MTUS2: variants seen among roughly 807,000 people sequenced by gnomAD.
MTUS2 encodes microtubule-associated tumor suppressor candidate 2.
MTUS2 carries 40 observed loss-of-function variants against 114.1 expected under a neutral mutation model. The observed-to-expected ratio is 0.35, with a 90% CI of 0.27 to 0.46. The LOEUF (loss-of-function observed/expected upper bound fraction) is 0.46. Among genes scored for constraint, MTUS2 ranks in the 20% least tolerant of loss-of-function variants. MTUS2 has a pLI of 1.00. For synonymous variants in MTUS2, 688 were observed against 672.0 expected, an observed-to-expected ratio of 1.02 and a Z score of -0.37; for missense variants, 1,679 against 1,705.4, an observed-to-expected ratio of 0.98 and a Z score of 0.27.
chr13:29,468,856 A>G (rs1410946416), intron 9 of MTUS2, among the ~76,000 whole-genome samples: 2 of 152,128 alleles, frequency 1.3e-5, no homozygotes, highest in African/African-American at 2.4e-5. Context: ...TGAATTCCTC[A>G]TGTCACTGGG....
chr13:29,441,571 A>G (rs1447987585), intron 9 of MTUS2, among the ~76,000 whole-genome samples: 3 of 143,880 alleles, frequency 2.1e-5, no homozygotes, highest in Admixed American at 7.0e-5. Context: ...CTCATGATCC[A>G]GATGCCCACA....
At chr13:29,309,895 T>C (rs983722271) in intron 6 of MTUS2, among the ~76,000 whole-genome samples, 16 of 152,140 alleles carry the variant, frequency 1.1e-4, no homozygotes, top group African/African-American at 3.9e-4. Flanking sequence ...ACCTCAAGCA[T>C]TTATCCTTTC....
At chr13:29,044,593 C>T (rs763926045) in intron 4 of MTUS2, among the ~76,000 whole-genome samples, 4 of 152,142 alleles carry the variant, frequency 2.6e-5, no homozygotes, top group Non-Finnish European at 5.9e-5. Context: ...CCCTACAGCT[C>T]CTGTTCAAAG....
At chr13:29,148,540 G>A (rs1321816194) in intron 5 of MTUS2, among the ~76,000 whole-genome samples, 1 of 63,954 alleles carries the variant, frequency 1.6e-5, no homozygotes, top group Non-Finnish European at 4.5e-5. Context: ...GTGCAGTGGT[G>A]GGACCTCGGC....
intron 5 of MTUS2, among the ~76,000 whole-genome samples, chr13:29,131,882 A>G (rs950626638): frequency 1.3e-5 from 2 of 152,286 alleles, no homozygotes; most frequent in African/African-American, 4.8e-5. Flanking sequence ...TGATGATGAC[A>G]TGATTTTGAT....
Position 29,462,806 on chromosome 13 carries a change from C to T in MTUS2, c.3185-17344C>T, listed in dbSNP as rs545324856. On this transcript the variant is annotated intron_variant, in intron 9 of 15. Coordinates refer to ENST00000612955, the MANE Select transcript of MTUS2 (RefSeq NM_001033602.4). ...TTGTAGAGGCTGTGTGTATGGAGAC[C>T]GAGTGAAACCCCTAGTGCCAGAGGG... is the stretch of plus-strand genomic sequence containing the variant. Among the ~76,000 whole-genome samples, 12 of 151,992 alleles carry T rather than the reference C, an allele frequency of 7.9e-5. No homozygotes were observed. In the South Asian group the frequency reaches 1.9e-3, roughly 24 times the overall value.
chr13:29,498,948 C>T (rs1199234014), intron 14 of MTUS2, among the ~76,000 whole-genome samples: 2 of 152,316 alleles, frequency 1.3e-5, no homozygotes, highest in East Asian at 3.9e-4. Flanking sequence ...AGCCGCTTTA[C>T]AGATGCGGAG....
chr13:29,324,592 C>A (rs1157999690), intron 6 of MTUS2, 21 bp from the exon 7 acceptor site: 3 of 1,538,672 alleles, frequency 1.9e-6, no homozygotes, highest in Admixed American at 1.9e-5. Flanking sequence ...CTACCTATTT[C>A]TCTTTTCCAA....
At chr13:28,891,410 G>A (rs964369919) in intron 2 of MTUS2, among the ~76,000 whole-genome samples, 3 of 152,130 alleles carry the variant, frequency 2.0e-5, no homozygotes, top group Admixed American at 2.0e-4. Flanking sequence ...ACCATACAAT[G>A]TATTGCCTAT....
intron 9 of MTUS2, among the ~76,000 whole-genome samples, chr13:29,453,306 G>A (rs926428259): frequency 2.6e-5 from 4 of 152,164 alleles, no homozygotes; most frequent in Admixed American, 6.5e-5. Context: ...TGAGTTTCTC[G>A]TGAACCTCTT....
chr13:29,437,793 A>G (rs1487399196), intron 8 of MTUS2, among the ~76,000 whole-genome samples: 1 of 152,076 alleles, frequency 6.6e-6, no homozygotes, highest in African/African-American at 2.4e-5. Flanking sequence ...CTAAAAATAC[A>G]GAAAATTAGC....
intron 8 of MTUS2, among the ~76,000 whole-genome samples, chr13:29,381,498 T>C (rs1163474082): frequency 6.6e-6 from 1 of 152,244 alleles, no homozygotes; most frequent in African/African-American, 2.4e-5. Context: ...ATGTTTACTA[T>C]GTGGCAAGCA....
intron 5 of MTUS2, among the ~76,000 whole-genome samples, chr13:29,205,760 T>A (rs769090660): frequency 6.6e-6 from 1 of 152,246 alleles, no homozygotes; most frequent in Non-Finnish European, 1.5e-5. Flanking sequence ...TAAGGCAGAT[T>A]AGCATTCCAT....
At chr13:28,965,143 T>C (rs1196978953) in intron 2 of MTUS2, among the ~76,000 whole-genome samples, 1 of 152,214 alleles carries the variant, frequency 6.6e-6, no homozygotes, top group Admixed American at 6.5e-5. Flanking sequence ...ATCTCTCTTC[T>C]AGCTCTTCCT....
intron 15 of MTUS2, among the ~76,000 whole-genome samples, chr13:29,502,279 T>C (rs570921251): frequency 6.6e-6 from 1 of 152,254 alleles, no homozygotes; most frequent in Non-Finnish European, 1.5e-5. Flanking sequence ...TTCCTGTCAG[T>C]TCCTCAGAGG....
chr13:29,351,617 T>A (rs1196988760), intron 7 of MTUS2, among the ~76,000 whole-genome samples: 1 of 151,834 alleles, frequency 6.6e-6, no homozygotes, highest in Non-Finnish European at 1.5e-5. Context: ...TTTGTTTGTT[T>A]TTTTGAGACA....
intron 7 of MTUS2, among the ~76,000 whole-genome samples, chr13:29,331,576 A>G (rs1213985788): frequency 6.6e-6 from 1 of 152,066 alleles, no homozygotes; most frequent in Admixed American, 6.6e-5. Flanking sequence ...ACAAGGCTAC[A>G]GTAACCTTCC....
chr13:28,829,577 G>A (rs888049648), intron 1 of MTUS2, among the ~76,000 whole-genome samples: 2 of 151,752 alleles, frequency 1.3e-5, no homozygotes, highest in African/African-American at 4.8e-5. Context: ...CCACTGAAAG[G>A]GACAAAACAG....
At chr13:28,865,420 T>C (rs529924932) in intron 2 of MTUS2, among the ~76,000 whole-genome samples, 1 of 152,286 alleles carries the variant, frequency 6.6e-6, no homozygotes, top group Admixed American at 6.5e-5. Context: ...CAGAAGCAAA[T>C]TAAAGTGATA....
Sources: gnomAD v4.1 joint callset for allele counts (sites outside exome capture counted in the v4.1 genomes callset) on GRCh38, gnomAD v4.1.1 for gene constraint, MANE v1.5 for transcripts, NCBI Gene and HGNC (gene_info 2026-07-23, HGNC 2026-07-21) for gene names.